Variants in VPS13B observed in about 807,000 individuals in gnomAD.
The protein encoded by VPS13B is vacuolar protein sorting 13 homolog B, also known as intermembrane lipid transfer protein VPS13B.
In VPS13B, 285 loss-of-function variants were observed where a neutral mutation model predicts 426.4. The ratio of observed to expected loss-of-function variants is 0.67; its 90% CI spans 0.61 to 0.74. The LOEUF (loss-of-function observed/expected upper bound fraction) is 0.74, where lower values mean the gene tolerates loss of function less well. VPS13B is among the 30% of genes least tolerant of loss of function. VPS13B has a pLI of 0.00. For synonymous variants in VPS13B, 1,676 were observed against 1,676.4 expected, an observed-to-expected ratio of 1.00 and a Z score of 0.01; for missense variants, 4,537 against 4,782.6, an observed-to-expected ratio of 0.95 and a Z score of 1.51.
intron 39 of VPS13B, among the ~76,000 whole-genome samples, chr8:99,751,173 T>A (rs925159234): frequency 2.0e-5 from 3 of 151,138 alleles, no homozygotes; most frequent in African/African-American, 7.3e-5. Flanking sequence ...AGGCTTATTA[T>A]TTTTTTTTAG....
chr8:99,619,824 G>T (rs963112122), intron 33 of VPS13B, among the ~76,000 whole-genome samples: 44 of 151,822 alleles, frequency 2.9e-4, no homozygotes, highest in African/African-American at 1.0e-3. Flanking sequence ...GCAGTGTGCT[G>T]AGATTGTGCC....
intron 44 of VPS13B, among the ~76,000 whole-genome samples, chr8:99,815,742 T>A (rs1813997298): frequency 6.6e-6 from 1 of 152,208 alleles, no homozygotes; most frequent in East Asian, 1.9e-4. Context: ...ATGGTGAATA[T>A]TCATATTACA....
intron 30 of VPS13B, among the ~76,000 whole-genome samples, chr8:99,552,287 A>G (rs1824319800): frequency 6.6e-6 from 1 of 151,938 alleles, no homozygotes; most frequent in African/African-American, 2.4e-5. Context: ...GTCCATTGTT[A>G]CTGCTGTTGT....
At chr8:99,553,570 A>G (rs1386149366) in intron 30 of VPS13B, among the ~76,000 whole-genome samples, 1 of 152,092 alleles carries the variant, frequency 6.6e-6, no homozygotes, top group East Asian at 1.9e-4. Context: ...AATTACACAT[A>G]TATTTTATTT....
intron 33 of VPS13B, among the ~76,000 whole-genome samples, chr8:99,639,692 A>G (rs1829229091): frequency 6.7e-6 from 1 of 148,482 alleles, no homozygotes; most frequent in Non-Finnish European, 1.5e-5. Flanking sequence ...TTTTTTACCA[A>G]TCAAATTAAG....
intron 39 of VPS13B, among the ~76,000 whole-genome samples, chr8:99,736,942 A>G (rs1045858077): frequency 1.2e-4 from 18 of 151,920 alleles, no homozygotes; most frequent in African/African-American, 3.6e-4. Context: ...TAATTTTCCC[A>G]AGGGCATTCC....
chr8:99,853,907 A>T lies in VPS13B; in HGVS notation c.10518A>T (p.Leu3506Phe), dbSNP rs759427770. 8.7e-6 allele frequency: 14 copies of T among 1,614,262 alleles called. No individual in the cohort carries two copies. Among genetic ancestry groups the T allele is most frequent in the Non-Finnish European group, 1.2e-5 (14 of 1,180,052 alleles). ...EFSFELKPAR[L>F]YVEDTFVYYI... is the part of the protein sequence containing the mutation. The stretch of plus-strand genomic sequence containing the variant: ...GCTTTGAATTAAAACCTGCTCGGTT[A>T]TACGTGGAAGACACATTTGTATACT... The change falls in exon 56 of 62, where the codon TTA (leucine) becomes TTT (phenylalanine). Residue 3506 changes from leucine to phenylalanine, a missense_variant. This residue lies in a region of VPS13B where 4,311 missense variants were observed against 4,474.3 expected (regional missense o/e 0.96). Transcript: ENST00000357162.
chr8:99,315,642 T>C (rs1483547833), intron 19 of VPS13B, among the ~76,000 whole-genome samples: 4 of 143,172 alleles, frequency 2.8e-5, no homozygotes, highest in Non-Finnish European at 3.1e-5. Context: ...TGTAAATTTC[T>C]TTTTTTTTTT....
intron 8 of VPS13B, among the ~76,000 whole-genome samples, chr8:99,127,678 G>T (rs544920690): frequency 6.6e-6 from 1 of 151,982 alleles, no homozygotes; most frequent in South Asian, 2.1e-4. Flanking sequence ...AAATTATTGA[G>T]AACTCTGAGG....
At chr8:99,028,775 A>G (rs1342814589) in intron 2 of VPS13B, among the ~76,000 whole-genome samples, 2 of 129,550 alleles carry the variant, frequency 1.5e-5, no homozygotes, top group Non-Finnish European at 3.3e-5. Context: ...GGGGCTCCTC[A>G]CTTCCCAGTA....
At chr8:99,100,814 G>C (rs1846692135) in intron 4 of VPS13B, among the ~76,000 whole-genome samples, 1 of 151,912 alleles carries the variant, frequency 6.6e-6, no homozygotes, top group South Asian at 2.1e-4. Flanking sequence ...AGGCCAAGGA[G>C]GGCGGATCAC....
At chr8:99,535,326 G>A (rs1488238683) in intron 30 of VPS13B, among the ~76,000 whole-genome samples, 2 of 152,034 alleles carry the variant, frequency 1.3e-5, no homozygotes, top group African/African-American at 4.8e-5. Context: ...ATTGTATTCT[G>A]TGTTCACTGA....
rs150280985 is a variant in VPS13B, at chr8:99,143,387, T to C, written c.1843+222T>C. ...CACAAGTACTTTATTTGCCAGTATT[T>C]GTCAGTATTTTATTGTTATACCTTT... is the stretch of plus-strand genomic sequence containing the variant. On this transcript the variant is annotated intron_variant, in intron 13 of 61. Transcript: ENST00000357162. Among the ~76,000 whole-genome samples, 755 of 152,334 alleles carry C rather than the reference T, an allele frequency of 5.0e-3. 2 individuals carry two copies. Among genetic ancestry groups the C allele is most frequent in the Non-Finnish European group, 7.8e-3 (531 of 68,020 alleles).
At position 99,766,989 on chromosome 8, in the gene VPS13B, A is replaced by G. The variant is rs1811259001; in HGVS notation, c.7247+19A>G. ...ACCAAAGGTAATTCATTGAAAGATG[A>G]TATGGTAGCATTACACTGGGAAACA... On this transcript the variant is annotated intron_variant, in intron 40 of 61. Coordinates refer to ENST00000357162, the MANE Select transcript of VPS13B (RefSeq NM_152564.5). 1.2e-6 allele frequency: 2 copies of G among 1,609,664 alleles called. No homozygotes were observed. Among genetic ancestry groups the G allele is most frequent in the South Asian group, 1.1e-5 (1 of 90,990 alleles).
chr8:99,495,207 A>G (rs560149427), intron 25 of VPS13B, among the ~76,000 whole-genome samples: 1 of 152,210 alleles, frequency 6.6e-6, no homozygotes, highest in Non-Finnish European at 1.5e-5. Context: ...TAATTTTGGA[A>G]TACTAACTCA....
chr8:99,575,792 C>A lies in VPS13B; in HGVS notation c.5076+8C>A. The A allele has an allele frequency of 6.2e-7, 1 of 1,612,458 alleles. No homozygotes were observed. Among genetic ancestry groups the A allele is most frequent in the South Asian group, 1.1e-5 (1 of 90,960 alleles). ...GAAAATTTGCATACTGAGGTTAGAACATAATTTTGATTTTATTTTAGTCTA... is the reference window on the plus strand; with the variant it reads ...GAAAATTTGCATACTGAGGTTAGAAAATAATTTTGATTTTATTTTAGTCTA... On this transcript the variant is annotated splice_region_variant and intron_variant, in intron 32 of 61. Transcript: ENST00000357162.
At chr8:99,777,011 T>C (rs1588702781) in intron 41 of VPS13B, 55 bp downstream of exon 41, 1 of 1,566,128 alleles carries the variant, frequency 6.4e-7, no homozygotes, top group Non-Finnish European at 8.8e-7. Context: ...CCATTTTCTC[T>C]TGAGTGTTTT....
rs772183822 is a variant in VPS13B, at chr8:99,817,660, C to T, written c.8218C>T (p.Leu2740Phe). 4 of 1,613,922 alleles carry T rather than the reference C, an allele frequency of 2.5e-6. No homozygotes were observed. The Admixed American group carries it at 6.7e-5, about 27-fold the overall frequency. Reference protein sequence around the residue: ...QAVVREHFDCLTAKQKLPSYI... With the variant: ...QAVVREHFDCFTAKQKLPSYI... ...TGTAGTTCGGGAACATTTTGACTGC[C>T]TCACAGCCAAACAGAAATTGCCTTC... Residue 2740 changes from leucine (L) to phenylalanine (F), a missense_variant, in exon 45 of 62, where the codon CTC becomes TTC. Leu to Phe is a conservative substitution (Grantham distance 22). Transcript: ENST00000357162.
chr8:99,135,221 G>A, intron 10 of VPS13B, 84 bp downstream of exon 10: 1 of 1,553,764 alleles, frequency 6.4e-7, no homozygotes, highest in South Asian at 1.1e-5. Context: ...TATAATATCT[G>A]TTAGACTATA....
Sources: gnomAD v4.1 joint callset for allele counts (sites outside exome capture counted in the v4.1 genomes callset) on GRCh38, gnomAD v4.1.1 for gene constraint, gnomAD v4.1.1 regional missense constraint, MANE v1.5 for transcripts, NCBI Gene and HGNC (gene_info 2026-07-23, HGNC 2026-07-21) for gene names.